Variants in BRCA1 observed in about 807,000 individuals in gnomAD.
The protein encoded by BRCA1 is BRCA1 DNA repair associated.
BRCA1 carries 140 observed loss-of-function variants against 173.7 expected under a neutral mutation model. That is an observed-to-expected ratio of 0.81 (90% confidence interval 0.70 to 0.93). The LOEUF is 0.93. BRCA1 is among the 40% of genes least tolerant of loss of function. The pLI is 0.00. For synonymous variants in BRCA1, 662 were observed against 756.0 expected (o/e 0.88, Z 2.04); for missense variants, 1,983 against 2,172.5 (o/e 0.91, Z 1.73).
chr17:43,071,819 C>G (rs1456193499), intron 14 of BRCA1, among the ~76,000 whole-genome samples: 2 of 150,080 alleles, frequency 1.3e-5, no homozygotes, highest in Non-Finnish European at 2.9e-5. Flanking sequence ...CTGGCTAACA[C>G]AGTGAAACCC....
chr17:43,056,905 A>G (rs2051485852), intron 19 of BRCA1, 147 bp downstream of exon 19: 1 of 780,720 alleles, frequency 1.3e-6, no homozygotes, highest in African/African-American at 1.7e-5. Flanking sequence ...GGGATGGAAG[A>G]GTGAAAAAAG....
At position 43,063,916 on chromosome 17, in the gene BRCA1, A is replaced by G. The variant is rs1555578599; in HGVS notation, c.5110T>C (p.Phe1704Leu). Reference protein sequence around the residue: ...EFVCERTLKYFLGIAGGKWVV... With the variant: ...EFVCERTLKYLLGIAGGKWVV... ...CATTTTCCTCCCGCAATTCCTAGAA[A>G]ATATTTCAGTGTCCGTTCACACACA... The change falls in exon 17 of 23, where the codon TTT (phenylalanine) becomes CTT (leucine). Residue 1704 changes from phenylalanine (F) to leucine (L), a missense_variant. Transcript: ENST00000357654. 1.2e-6 allele frequency: 2 copies of G among 1,614,148 alleles called. No homozygotes were observed. Among genetic ancestry groups the G allele is most frequent in the Non-Finnish European group, 1.7e-6 (2 of 1,179,990 alleles).
At chr17:43,103,466 CAAA>C (rs900598227) in intron 6 of BRCA1, among the ~76,000 whole-genome samples, 17 of 64,616 alleles carry the variant, frequency 2.6e-4, no homozygotes, top group Admixed American at 7.3e-4. Context: ...GACTCTGTCT[CAAA>C]AAAAAAAAAA....
chr17:43,058,524 C>T (rs976917949), intron 18 of BRCA1, among the ~76,000 whole-genome samples: 3 of 152,192 alleles, frequency 2.0e-5, no homozygotes, highest in African/African-American at 7.2e-5. Context: ...AATCAATTCA[C>T]TGAAGCAAAT....
intron 16 of BRCA1, among the ~76,000 whole-genome samples, chr17:43,066,331 C>A (rs1005954474): frequency 2.6e-5 from 4 of 152,106 alleles, no homozygotes; most frequent in African/African-American, 9.7e-5. Flanking sequence ...TGTTATCAGA[C>A]TTTTTTCCTG....
At chr17:43,091,252 C>T (rs1339858003) in intron 10 of BRCA1, 183 bp downstream of exon 10, 21 of 878,940 alleles carry the variant, frequency 2.4e-5, no homozygotes, top group Admixed American at 2.1e-4. Context: ...TCAAAGATGA[C>T]GTCCTAGCTG....
At chr17:43,138,684 A>G in intron 1 of BRCA1, 2 of 779,202 alleles carry the variant, frequency 2.6e-6, no homozygotes, top group Non-Finnish European at 4.8e-6. Flanking sequence ...AGCACACATC[A>G]AGGCTCCCTT....
intron 11 of BRCA1, among the ~76,000 whole-genome samples, chr17:43,089,508 G>A (rs536876813): frequency 6.6e-6 from 1 of 150,988 alleles, no homozygotes; most frequent in Admixed American, 6.6e-5. Flanking sequence ...CCAAATTATT[G>A]GCCTTGACCA....
intron 9 of BRCA1, 86 bp downstream of exon 9, chr17:43,095,760 A>G (rs920788308): frequency 1.6e-5 from 18 of 1,135,286 alleles, no homozygotes; most frequent in South Asian, 1.6e-4. Flanking sequence ...AAAGGTCCCA[A>G]ATGGTCTTCA....
chr17:43,101,368 T>C (rs2054467124), intron 6 of BRCA1, among the ~76,000 whole-genome samples: 1 of 152,054 alleles, frequency 6.6e-6, no homozygotes, highest in African/African-American at 2.4e-5. Flanking sequence ...GGCTAATTTT[T>C]GTATTTTTTG....
chr17:43,106,799 AAAGTT>A (rs1475007038), intron 3 of BRCA1, among the ~76,000 whole-genome samples: 1 of 152,222 alleles, frequency 6.6e-6, no homozygotes, highest in African/African-American at 2.4e-5. Flanking sequence ...AAACTTAATA[AAAGTT>A]AATATGGCAT....
intron 20 of BRCA1, among the ~76,000 whole-genome samples, chr17:43,049,655 ATTCAT>A (rs1480184292): frequency 6.6e-6 from 1 of 152,166 alleles, no homozygotes; most frequent in Non-Finnish European, 1.5e-5. Flanking sequence ...TGGGAAGATA[ATTCAT>A]CCAGTCAAAA....
rs774593602 is a variant in BRCA1, at chr17:43,091,018, C to T, written c.4111G>A (p.Gly1371Arg). Reference sequence around the variant, plus strand: ...GAGACGCTTGTTTCACTCTCACACCCAGATGCTGCTTCACCTTAAATAACA... The same window carrying T: ...GAGACGCTTGTTTCACTCTCACACCTAGATGCTGCTTCACCTTAAATAACA... The part of the protein sequence containing the change: ...MDSNLGEAAS[G>R]CESETSVSED... Residue 1371 changes from glycine to arginine, a missense_variant, in exon 11 of 23, where the codon GGG (glycine) becomes AGG (arginine). Coordinates refer to ENST00000357654, the MANE Select transcript of BRCA1 (RefSeq NM_007294.4). The T allele has an allele frequency of 1.9e-6, 3 of 1,612,618 alleles. No homozygotes were observed. Among genetic ancestry groups the T allele is most frequent in the South Asian group, 1.1e-5 (1 of 90,720 alleles).
rs35908185 is a variant in BRCA1 at position 43,103,094 on chromosome 17, A to T, written c.441+1028T>A. The stretch of plus-strand genomic sequence containing the variant: ...CTGAAGTAATTTCCAAATGCTTAAA[A>T]ATATCAGTGACCTTATGGCTATTTT... On this transcript the variant is annotated intron_variant, in intron 6 of 22. Coordinates refer to ENST00000357654, the MANE Select transcript of BRCA1 (RefSeq NM_007294.4). 0.32 allele frequency among the ~76,000 whole-genome samples: 47,806 copies of T among 151,704 alleles called. 7,811 individuals carry two copies. The highest frequency in any genetic ancestry group is 0.49 in the South Asian group (2,362 of 4,802).
chr17:43,129,764 G>A (rs901091067), upstream of BRCA1, among the ~76,000 whole-genome samples: 1 of 152,172 alleles, frequency 6.6e-6, no homozygotes, highest in South Asian at 2.1e-4. Context: ...GTGAGCCACC[G>A]CACCTGGCAG....
At chr17:43,081,123 C>T (rs1260010201) in intron 12 of BRCA1, among the ~76,000 whole-genome samples, 1 of 152,032 alleles carries the variant, frequency 6.6e-6, no homozygotes, top group African/African-American at 2.4e-5. Context: ...CAAAGTCACA[C>T]AATAATAACA....
At chr17:43,050,310 A>T (rs554173106) in intron 20 of BRCA1, 1 of 378,266 alleles carries the variant, frequency 2.6e-6, no homozygotes, top group African/African-American at 2.1e-5. Context: ...GTTTAATTAG[A>T]AAATGTTCAT....
At position 43,107,096 on chromosome 17, in the gene BRCA1, G is replaced by A. The variant is rs575589035; in HGVS notation, c.135-563C>T. Reference sequence around the variant, plus strand: ...TTTTTTTTTTTTGAGACGGAGTCTCGCTCTGTCTCCCAGGCTGGAGTGCAG... The same window carrying A: ...TTTTTTTTTTTTGAGACGGAGTCTCACTCTGTCTCCCAGGCTGGAGTGCAG... On this transcript the variant is annotated intron_variant, in intron 3 of 22. Coordinates refer to ENST00000357654, the MANE Select transcript of BRCA1 (RefSeq NM_007294.4). Among the ~76,000 whole-genome samples, 1,220 of 128,978 alleles carry A rather than the reference G, an allele frequency of 9.5e-3. 6 individuals carry two copies. The highest frequency in any genetic ancestry group is 0.023 in the Middle Eastern group (4 of 172). The allele number at this position is 128,978 out of a possible 152,430, so 84.6% of individuals were successfully genotyped here. A position where few individuals can be genotyped will look rare whatever the true frequency, so the allele number is the denominator to read the frequency against.
At position 43,071,042 on chromosome 17, in the gene BRCA1, C is replaced by T. The variant is rs11555992; in HGVS notation, c.4872G>A (p.Gly1624=). 6.2e-7 allele frequency: 1 copy of T among 1,614,142 alleles called. No individual in the cohort carries two copies. The highest frequency in any genetic ancestry group is 8.5e-7 in the Non-Finnish European group (1 of 1,180,006). Residue 1624 remains glycine, a synonymous_variant, in exon 15 of 23, where the codon GGG becomes GGA. Coordinates refer to ENST00000357654, the MANE Select transcript of BRCA1 (RefSeq NM_007294.4). The part of the protein sequence containing the change: ...PAAAHTTDTA[G]YNAMEESVSR... ...TCACACTTTCTTCCATTGCATTATA[C>T]CCAGCAGTATCAGTAGTATGAGCAG...
Sources: allele counts gnomAD v4.1 joint callset (sites outside exome capture counted in the v4.1 genomes callset), GRCh38; gene constraint gnomAD v4.1.1; transcripts MANE v1.5; gene names NCBI Gene and HGNC (gene_info 2026-07-23, HGNC 2026-07-21).